Variants in NRXN3 observed in about 807,000 individuals in gnomAD.
The protein encoded by NRXN3 is neurexin 3.
NRXN3 carries 32 observed loss-of-function variants against 137.6 expected under a neutral mutation model. That is an observed-to-expected ratio of 0.23 (90% CI 0.18 to 0.31). The LOEUF (loss-of-function observed/expected upper bound fraction) is 0.31. Among genes scored for constraint, NRXN3 ranks in the 10% least tolerant of loss-of-function variants. The pLI, the probability that NRXN3 is intolerant of heterozygous loss-of-function variation, is 1.00. For missense variants in NRXN3, 1,574 were observed against 2,062.5 expected, an observed-to-expected ratio of 0.76 and a Z score of 4.59; for synonymous variants, 798 against 784.5, an observed-to-expected ratio of 1.02 and a Z score of -0.29.
intron 15 of NRXN3, among the ~76,000 whole-genome samples, chr14:79,208,826 G>C (rs889379032): frequency 6.6e-6 from 1 of 152,168 alleles, no homozygotes; most frequent in Admixed American, 6.5e-5. Flanking sequence ...AATTGCCAGT[G>C]TAAGAGTATA....
intron 19 of NRXN3, among the ~76,000 whole-genome samples, chr14:79,793,785 G>A (rs1366628251): frequency 6.6e-6 from 1 of 151,994 alleles, no homozygotes. Flanking sequence ...ATTACCATTC[G>A]TCCTTATATT....
At chr14:79,047,136 C>G (rs1408506492) in intron 15 of NRXN3, among the ~76,000 whole-genome samples, 2 of 148,884 alleles carry the variant, frequency 1.3e-5, no homozygotes, top group African/African-American at 2.5e-5. Context: ...CCTTCCCGCC[C>G]CACCCCCGAA....
In NRXN3 at chr14:79,839,973, A is replaced by ATGTG. The variant is rs2099352467; in HGVS notation, c.4094-21366_4094-21365insGTGT. On this transcript the variant is annotated intron_variant, in intron 20 of 20. Transcript: ENST00000335750. The stretch of plus-strand genomic sequence containing the variant: ...CCTTGTAACATTTCTGGAAGCATGT[A>ATGTG]TGTATGTATGTATGTATGTATTTAA... Among the ~76,000 whole-genome samples the ATGTG allele has an allele frequency of 4.8e-5, 7 of 145,942 alleles. No homozygotes were observed. The South Asian group carries it at 1.6e-3, about 34-fold the overall frequency.
At chr14:78,305,651 G>A (rs990399617) in intron 4 of NRXN3, among the ~76,000 whole-genome samples, 2 of 152,130 alleles carry the variant, frequency 1.3e-5, no homozygotes, top group Non-Finnish European at 2.9e-5. Flanking sequence ...ATAAGTTACT[G>A]CCTTGATAGC....
intron 15 of NRXN3, among the ~76,000 whole-genome samples, chr14:79,225,827 T>G (rs1053789623): frequency 1.3e-5 from 2 of 152,188 alleles, no homozygotes; most frequent in South Asian, 4.1e-4. Context: ...AGATCTGGGG[T>G]TTTTTTGCTG....
At chr14:78,965,764 T>C (rs936985766) in intron 11 of NRXN3, among the ~76,000 whole-genome samples, 1 of 152,144 alleles carries the variant, frequency 6.6e-6, no homozygotes, top group African/African-American at 2.4e-5. Context: ...TTTTATCCTT[T>C]AGCCTGGGTT....
At chr14:79,145,030 G>T (rs750916883) in intron 15 of NRXN3, among the ~76,000 whole-genome samples, 28 of 152,068 alleles carry the variant, frequency 1.8e-4, no homozygotes, top group Non-Finnish European at 3.5e-4. Context: ...TTAGGTAAAT[G>T]AATTAAGTCT....
intron 2 of NRXN3, among the ~76,000 whole-genome samples, chr14:78,254,506 C>G (rs2069176851): frequency 6.6e-6 from 1 of 152,090 alleles, no homozygotes; most frequent in African/African-American, 2.4e-5. Flanking sequence ...TGGTGAAACC[C>G]CATCTCTACT....
intron 15 of NRXN3, among the ~76,000 whole-genome samples, chr14:79,094,498 G>T (rs1025424889): frequency 4.6e-5 from 7 of 152,110 alleles, no homozygotes; most frequent in African/African-American, 1.7e-4. Context: ...CCTCTTACTC[G>T]GTCTAAAGTC....
At chr14:79,536,911 A>G (rs748613537) in intron 16 of NRXN3, among the ~76,000 whole-genome samples, 7 of 152,170 alleles carry the variant, frequency 4.6e-5, no homozygotes, top group Non-Finnish European at 1.0e-4. Flanking sequence ...ATAGTGCTCC[A>G]ATGAACATAT....
chr14:79,486,168 T>C (rs1394226624), intron 16 of NRXN3, among the ~76,000 whole-genome samples: 2 of 152,162 alleles, frequency 1.3e-5, no homozygotes, highest in South Asian at 4.1e-4. Flanking sequence ...CAGGTCATTC[T>C]GCATTTTGTC....
chr14:78,292,929 G>A (rs1305595159), intron 3 of NRXN3, among the ~76,000 whole-genome samples: 1 of 152,098 alleles, frequency 6.6e-6, no homozygotes, highest in Non-Finnish European at 1.5e-5. Flanking sequence ...TTTTGACCCC[G>A]TTTCTGAGGT....
intron 17 of NRXN3, among the ~76,000 whole-genome samples, chr14:79,676,368 C>G (rs1440398104): frequency 6.6e-6 from 1 of 151,894 alleles, no homozygotes; most frequent in Non-Finnish European, 1.5e-5. Flanking sequence ...CGCCTGGTAC[C>G]CACCATTTTA....
chr14:79,156,080 A>G (rs2060229019), intron 15 of NRXN3, among the ~76,000 whole-genome samples: 1 of 151,848 alleles, frequency 6.6e-6, no homozygotes, highest in Non-Finnish European at 1.5e-5. Context: ...TTTCCATTAT[A>G]GATAATAAAA....
chr14:78,651,108 T>C (rs778914138), intron 5 of NRXN3, 57 bp from the exon 6 acceptor site: 53 of 1,530,556 alleles, frequency 3.5e-5, no homozygotes, highest in Non-Finnish European at 4.5e-6. Context: ...CACTGGGTTA[T>C]GATAGGATCG....
rs143229068 is a variant in NRXN3, at chr14:78,540,967, A to G, written c.758-104153A>G. 5.7e-3 allele frequency among the ~76,000 whole-genome samples: 861 copies of G among 152,190 alleles called. 46 individuals carry two copies. In the East Asian group the frequency reaches 0.096, roughly 17 times the overall value. On this transcript the variant is annotated intron_variant, in intron 4 of 20. Coordinates refer to ENST00000335750, the MANE Select transcript of NRXN3 (RefSeq NM_001330195.2). ...GGCCTCCACTCTCTTCTGGCTTGTAATGTTTCTGCTGAGAGATCTGCTGTT... is the reference window on the plus strand; with the variant it reads ...GGCCTCCACTCTCTTCTGGCTTGTAGTGTTTCTGCTGAGAGATCTGCTGTT...
At chr14:79,589,881 T>A (rs1445372891) in intron 16 of NRXN3, among the ~76,000 whole-genome samples, 1 of 152,184 alleles carries the variant, frequency 6.6e-6, no homozygotes. Flanking sequence ...AAAAATTAAC[T>A]AAAAGCTATT....
chr14:78,785,588 C>T (rs2153039640), intron 8 of NRXN3, among the ~76,000 whole-genome samples: 1 of 152,254 alleles, frequency 6.6e-6, no homozygotes, highest in Middle Eastern at 3.4e-3. Flanking sequence ...CAGCTTTTTT[C>T]TTGCAGAGAA....
At chr14:79,274,272 C>G (rs1168358736) in intron 15 of NRXN3, among the ~76,000 whole-genome samples, 1 of 152,080 alleles carries the variant, frequency 6.6e-6, no homozygotes, top group African/African-American at 2.4e-5. Flanking sequence ...TCTCAGACTT[C>G]AAGACCATTT....
Sources: allele counts gnomAD v4.1 joint callset (sites outside exome capture counted in the v4.1 genomes callset), GRCh38; gene constraint gnomAD v4.1.1; transcripts MANE v1.5; gene names NCBI Gene and HGNC (gene_info 2026-07-23, HGNC 2026-07-21).